Variants in POU6F2 observed in about 807,000 individuals in gnomAD.
POU6F2 encodes POU class 6 homeobox 2, also known as POU domain, class 6, transcription factor 2.
Under a neutral mutation model 71.3 loss-of-function variants are expected in POU6F2, and 31 were observed. The ratio of observed to expected loss-of-function variants is 0.43; its 90% CI spans 0.33 to 0.59. POU6F2 has a LOEUF of 0.59. Among genes scored for constraint, POU6F2 ranks in the 20% least tolerant of loss-of-function variants. The pLI is 0.04. For synonymous variants in POU6F2, 347 were observed against 355.7 expected, an observed-to-expected ratio of 0.98 and a Z score of 0.27; for missense variants, 783 against 856.8, an observed-to-expected ratio of 0.91 and a Z score of 1.07.
At chr7:39,204,723 AAAAGTT>A (rs1407395895) in intron 3 of POU6F2, among the ~76,000 whole-genome samples, 1 of 152,184 alleles carries the variant, frequency 6.6e-6, no homozygotes, top group Non-Finnish European at 1.5e-5. Context: ...TTTAATATAA[AAAAGTT>A]AATGCAATTT....
chr7:39,168,335 T>C (rs990986584), intron 2 of POU6F2, among the ~76,000 whole-genome samples: 7 of 152,226 alleles, frequency 4.6e-5, no homozygotes, highest in Non-Finnish European at 1.0e-4. Context: ...GGGAGTATTA[T>C]CTGTTTTAAA....
chr7:39,189,754 C>T (rs1314894217), intron 2 of POU6F2, among the ~76,000 whole-genome samples: 1 of 151,982 alleles, frequency 6.6e-6, no homozygotes. Context: ...AATTATTATT[C>T]AGTCATAACA....
chr7:39,004,186 C>T (rs1358038204), intron 1 of POU6F2, among the ~76,000 whole-genome samples: 2 of 152,112 alleles, frequency 1.3e-5, no homozygotes, highest in Non-Finnish European at 2.9e-5. Flanking sequence ...AAACAAATAA[C>T]AAATAAGAGC....
At chr7:39,027,679 C>T (rs903950378) in intron 1 of POU6F2, among the ~76,000 whole-genome samples, 5 of 152,346 alleles carry the variant, frequency 3.3e-5, no homozygotes, top group African/African-American at 1.2e-4. Context: ...AAACAACCCA[C>T]TGTGAGTTGG....
chr7:39,024,461 T>G (rs1315605849), intron 1 of POU6F2, among the ~76,000 whole-genome samples: 1 of 152,034 alleles, frequency 6.6e-6, no homozygotes, highest in Non-Finnish European at 1.5e-5. Context: ...ACAGGGACAA[T>G]TTGACTTCCT....
At chr7:39,444,305 C>T (rs1489110661) in intron 7 of POU6F2, among the ~76,000 whole-genome samples, 3 of 152,144 alleles carry the variant, frequency 2.0e-5, no homozygotes, top group African/African-American at 2.4e-5. Context: ...AGATGAAGGC[C>T]GGGCGCAGTG....
chr7:39,309,539 C>T (rs1161646138), intron 4 of POU6F2, among the ~76,000 whole-genome samples: 1 of 152,210 alleles, frequency 6.6e-6, no homozygotes, highest in Admixed American at 6.5e-5. Flanking sequence ...AGATTGCTAG[C>T]TCTAGAAACT....
chr7:39,145,818 C>T (rs1006637841), intron 2 of POU6F2, among the ~76,000 whole-genome samples: 7 of 152,232 alleles, frequency 4.6e-5, no homozygotes, highest in African/African-American at 1.7e-4. Flanking sequence ...AATAACATAA[C>T]CCATCCTCTA....
At chr7:39,006,733 T>C in intron 1 of POU6F2, 7 of 988,180 alleles carry the variant, frequency 7.1e-6, no homozygotes, top group Non-Finnish European at 9.7e-6. Flanking sequence ...ATCATTTAAA[T>C]AAAATGTTGG....
intron 4 of POU6F2, among the ~76,000 whole-genome samples, chr7:39,288,029 G>T (rs1784682320): frequency 6.6e-6 from 1 of 152,178 alleles, no homozygotes; most frequent in East Asian, 1.9e-4. Flanking sequence ...ATGGGAAGGG[G>T]CTTGGTTCGT....
intron 1 of POU6F2, among the ~76,000 whole-genome samples, chr7:39,075,482 C>A (rs923520037): frequency 4.6e-5 from 7 of 152,156 alleles, no homozygotes; most frequent in African/African-American, 1.7e-4. Flanking sequence ...AGTTTTTCTT[C>A]TCAACTTTGT....
At chr7:39,225,754 T>A (rs1794449148) in intron 4 of POU6F2, among the ~76,000 whole-genome samples, 1 of 152,242 alleles carries the variant, frequency 6.6e-6, no homozygotes, top group South Asian at 2.1e-4. Flanking sequence ...GTGTATGTAA[T>A]AGATGTATGT....
intron 5 of POU6F2, among the ~76,000 whole-genome samples, chr7:39,365,339 C>T (rs1311736735): frequency 6.6e-6 from 1 of 152,108 alleles, no homozygotes; most frequent in East Asian, 1.9e-4. Context: ...TAGCCACATG[C>T]AGGAGAATGA....
At position 39,204,221 on chromosome 7, in the gene POU6F2, C is replaced by A. The variant is rs932177253; in HGVS notation, c.278-14C>A. On this transcript the variant is annotated splice_polypyrimidine_tract_variant and intron_variant, in intron 2 of 9. Transcript: ENST00000518318. Reference sequence around the variant, plus strand: ...GATCATATATTAAGGGAGTATTTCTCTTTTGAATTCCAGGGGCTAGAGGAA... The same window carrying A: ...GATCATATATTAAGGGAGTATTTCTATTTTGAATTCCAGGGGCTAGAGGAA... 2 of 1,608,796 alleles carry A rather than the reference C, an allele frequency of 1.2e-6. No homozygotes were observed.
chr7:39,232,670 C>T (rs1794597734), intron 4 of POU6F2, among the ~76,000 whole-genome samples: 1 of 152,206 alleles, frequency 6.6e-6, no homozygotes, highest in Non-Finnish European at 1.5e-5. Context: ...TTTCCTTTAA[C>T]TTCTTGCTAC....
At chr7:39,072,355 T>C (rs1790902012) in intron 1 of POU6F2, among the ~76,000 whole-genome samples, 1 of 152,196 alleles carries the variant, frequency 6.6e-6, no homozygotes, top group South Asian at 2.1e-4. Flanking sequence ...TCAGTCAGCA[T>C]TGAGTTGTTG....
chr7:39,172,587 T>C (rs1177906487), intron 2 of POU6F2, among the ~76,000 whole-genome samples: 3 of 125,052 alleles, frequency 2.4e-5, no homozygotes, highest in African/African-American at 9.2e-5. Context: ...ACAGAAATTA[T>C]CAGAATTATC....
At chr7:39,377,486 G>C (rs1235336187) in intron 5 of POU6F2, among the ~76,000 whole-genome samples, 1 of 152,136 alleles carries the variant, frequency 6.6e-6, no homozygotes, top group Non-Finnish European at 1.5e-5. Context: ...AAATGAAAAT[G>C]TTTGCCATAC....
intron 1 of POU6F2, among the ~76,000 whole-genome samples, chr7:38,985,461 T>A (rs951783156): frequency 2.0e-5 from 3 of 152,142 alleles, no homozygotes; most frequent in African/African-American, 7.2e-5. Context: ...CCAGCTTGAA[T>A]CTTATATCCT....
Sources: allele counts gnomAD v4.1 joint callset (sites outside exome capture counted in the v4.1 genomes callset), GRCh38; gene constraint gnomAD v4.1.1; transcripts MANE v1.5; gene names NCBI Gene and HGNC (gene_info 2026-07-23, HGNC 2026-07-21).